TPCN1: variants seen among roughly 807,000 people sequenced by gnomAD.
TPCN1 encodes two pore segment channel 1, also known as two pore channel protein 1.
Under a neutral mutation model 108.8 loss-of-function variants are expected in TPCN1, and 52 were observed. The ratio of observed to expected loss-of-function variants is 0.48; its 90% CI spans 0.38 to 0.60. The LOEUF (loss-of-function observed/expected upper bound fraction) is 0.60. Among genes scored for constraint, TPCN1 ranks in the 20% least tolerant of loss-of-function variants. The pLI, the probability that TPCN1 is intolerant of heterozygous loss-of-function variation, is 0.00. For synonymous variants in TPCN1, 446 were observed against 433.7 expected (o/e 1.03, Z -0.35); for missense variants, 806 against 1,072.8 (o/e 0.75, Z 3.47).
At position 113,247,772 on chromosome 12, in the gene TPCN1, G is replaced by A. The variant is rs925031938; in HGVS notation, c.113-12596G>A. Among the ~76,000 whole-genome samples the A allele has an allele frequency of 3.9e-5, 6 of 152,202 alleles. No individual in the cohort carries two copies. The South Asian group carries it at 6.2e-4, about 16-fold the overall frequency. Reference sequence around the variant, plus strand: ...CCTTGATGTGAAGGAGGCCCTTTGCGATCACCTGTGGCTTTCTTGAAAAGT... The same window carrying A: ...CCTTGATGTGAAGGAGGCCCTTTGCAATCACCTGTGGCTTTCTTGAAAAGT... On this transcript the variant is annotated intron_variant, in intron 2 of 27. Coordinates refer to ENST00000335509, the MANE Select transcript of TPCN1 (RefSeq NM_017901.6).
At position 113,237,357 on chromosome 12, in the gene TPCN1, T is replaced by C. The variant is rs192359100; in HGVS notation, c.112+10393T>C. The stretch of plus-strand genomic sequence containing the variant: ...CTCAGCTCAGTAGCTCAGTTCCTAC[T>C]TCTTTTTTTTTTTTCTTGAGTTAGA... On this transcript the variant is annotated intron_variant, in intron 2 of 27. Transcript: ENST00000335509. Among the ~76,000 whole-genome samples, 21 of 151,012 alleles carry C rather than the reference T, an allele frequency of 1.4e-4. No individual in the cohort carries two copies. The East Asian group carries it at 3.4e-3, about 24-fold the overall frequency.
intron 27 of TPCN1, among the ~76,000 whole-genome samples, chr12:113,295,433 C>T (rs1415492893): frequency 1.5e-5 from 2 of 134,708 alleles, no homozygotes; most frequent in African/African-American, 5.9e-5. Flanking sequence ...CACAGTGAAT[C>T]TCTGTCTCCT....
In TPCN1 at chr12:113,267,940, A is replaced by G. The variant is rs1223489837; in HGVS notation, c.512A>G (p.Lys171Arg). 5 of 1,613,348 alleles carry G rather than the reference A, an allele frequency of 3.1e-6. No individual in the cohort carries two copies. The highest frequency in any genetic ancestry group is 2.2e-5 in the East Asian group (1 of 44,864). ...GGCCTCCACACCTTCATCCGGCACA[A>G]GCGGACCATGGTCAAGGTGATGTGT... ...WLGLHTFIRH[K>R]RTMVKTSVLV... The change falls in exon 5 of 28, where the codon AAG becomes AGG. Residue 171 changes from lysine (K) to arginine (R), a missense_variant. Transcript: ENST00000335509.
chr12:113,228,784 C>T (rs1329650312), intron 2 of TPCN1, among the ~76,000 whole-genome samples: 1 of 152,172 alleles, frequency 6.6e-6, no homozygotes, highest in Non-Finnish European at 1.5e-5. Flanking sequence ...TCTTTCCTCC[C>T]ACACCACAGT....
At position 113,269,947 on chromosome 12, in the gene TPCN1, A is replaced by G; in HGVS notation, c.748+102A>G. 7.4e-7 allele frequency: 1 copy of G among 1,342,686 alleles called. No individual in the cohort carries two copies. 83.2% of individuals were successfully genotyped at this position (1,342,686 alleles called of 1,614,324 possible). On this transcript the variant is annotated intron_variant, in intron 7 of 27. Coordinates refer to ENST00000335509, the MANE Select transcript of TPCN1 (RefSeq NM_017901.6). This position sits in a 1 kb window ranked among gnomAD's most constrained non-coding sequence, Gnocchi z 5.0. Reference sequence around the variant, plus strand: ...CTCAGTGGCTCACGCCTGTAATCCTAGCATTTTGGGAGGCCAAGGTGGGTG... The same window carrying G: ...CTCAGTGGCTCACGCCTGTAATCCTGGCATTTTGGGAGGCCAAGGTGGGTG...
rs749783245 is a variant in TPCN1, at chr12:113,276,939, C to T, written c.963C>T (p.Asp321=). The change falls in exon 11 of 28, where the codon GAC becomes GAT. Residue 321 remains aspartate (D), a synonymous_variant. Coordinates refer to ENST00000335509, the MANE Select transcript of TPCN1 (RefSeq NM_017901.6). ...CACAGCTTCTGGCTGTGGTGTTCGA[C>T]ACCTTCAATGACATTGAGAAACGCA... The part of the protein sequence containing the change: ...IMNLLLAVVF[D]TFNDIEKRKF... 2 of 1,613,756 alleles carry T rather than the reference C, an allele frequency of 1.2e-6. No individual in the cohort carries two copies. Among genetic ancestry groups the T allele is most frequent in the Non-Finnish European group, 1.7e-6 (2 of 1,179,838 alleles).
intron 19 of TPCN1, chr12:113,287,396 G>A (rs1593202944): frequency 2.7e-6 from 1 of 368,394 alleles, no homozygotes. Context: ...TCAAGTCACA[G>A]ATCACAGAGC....
chr12:113,235,241 G>C (rs557737044), intron 2 of TPCN1, among the ~76,000 whole-genome samples: 3 of 152,222 alleles, frequency 2.0e-5, no homozygotes, highest in African/African-American at 7.2e-5. Flanking sequence ...TTTGAAGCCA[G>C]AGCAGGTGGG....
chr12:113,268,075 A>G lies in TPCN1; in HGVS notation c.528+119A>G. On this transcript the variant is annotated intron_variant, in intron 5 of 27. Coordinates refer to ENST00000335509, the MANE Select transcript of TPCN1 (RefSeq NM_017901.6). This position sits in a 1 kb window ranked among gnomAD's most constrained non-coding sequence, Gnocchi z 7.3. ...GGGCCCAGTCCATGCTCAGAGGTGT[A>G]ACCCTAGGGTCCCTGTCCTGACCGT... is the stretch of plus-strand genomic sequence containing the variant. 1.3e-6 allele frequency: 1 copy of G among 763,794 alleles called. No individual in the cohort carries two copies. The highest frequency in any genetic ancestry group is 2.2e-6 in the Non-Finnish European group (1 of 450,078). 47.3% of individuals were successfully genotyped at this position (763,794 alleles called of 1,614,324 possible).
rs527605367 is a variant in TPCN1 at position 113,221,883 on chromosome 12, G to A, written c.-126+257G>A. Among the ~76,000 whole-genome samples the A allele has an allele frequency of 1.1e-4, 17 of 152,302 alleles. No homozygotes were observed. The South Asian group carries it at 3.1e-3, about 28-fold the overall frequency. On this transcript the variant is annotated intron_variant, in intron 1 of 27. Coordinates refer to ENST00000335509, the MANE Select transcript of TPCN1 (RefSeq NM_017901.6). ...TCCCAGCCAGGGGCTGGGAGCACGT[G>A]GAGCTGGAGCCAGCTGTCCTGCCTC...
chr12:113,284,566 G>A lies in TPCN1; in HGVS notation c.1343-15G>A, dbSNP rs752280643. 14 of 1,614,060 alleles carry A rather than the reference G, an allele frequency of 8.7e-6. No homozygotes were observed. The South Asian group carries it at 1.3e-4, about 15-fold the overall frequency. On this transcript the variant is annotated splice_polypyrimidine_tract_variant and intron_variant, in intron 15 of 27. Coordinates refer to ENST00000335509, the MANE Select transcript of TPCN1 (RefSeq NM_017901.6). This position sits in a 1 kb window ranked among gnomAD's most constrained non-coding sequence, Gnocchi z 4.1. ...CCTGTTATTTCTCTGTCTTTTACGG[G>A]CCTGTGTATTTCAGACTTGGTGGTG...
At chr12:113,278,997 G>A (rs766395417) in intron 14 of TPCN1, among the ~76,000 whole-genome samples, 162 bp downstream of exon 14, 4 of 151,804 alleles carry the variant, frequency 2.6e-5, no homozygotes, top group African/African-American at 4.8e-5. Flanking sequence ...CAGCAGGGAC[G>A]TAAGGGTGGT....
rs781512418 is a variant in TPCN1, at chr12:113,291,885, G to A, written c.2040G>A (p.Thr680=). The A allele has an allele frequency of 3.1e-6, 5 of 1,609,152 alleles. No individual in the cohort carries two copies. In the South Asian group the frequency reaches 4.4e-5, roughly 14 times the overall value. Residue 680 remains threonine, a synonymous_variant, in exon 25 of 28, where the codon ACG becomes ACA. Coordinates refer to ENST00000335509, the MANE Select transcript of TPCN1 (RefSeq NM_017901.6). ...CTATCCCTGGCCAGGTGGTGATGAC[G>A]ATCATTGTCGCCTTTATCCTCGAGG... The part of the protein sequence containing the change: ...TFYIVTMVVM[T]IIVAFILEAF...
chr12:113,228,755 TA>T (rs1245871567), intron 2 of TPCN1, among the ~76,000 whole-genome samples: 1 of 152,176 alleles, frequency 6.6e-6, no homozygotes, highest in African/African-American at 2.4e-5. Context: ...GTCACACAGC[TA>T]GTAAGCAGTA....
intron 26 of TPCN1, 76 bp from the exon 27 acceptor site, chr12:113,293,193 G>A: frequency 6.2e-7 from 1 of 1,604,442 alleles, no homozygotes; most frequent in East Asian, 2.2e-5. Flanking sequence ...CAGAGAAGTG[G>A]GAGACGCCAA....
chr12:113,253,297 T>C (rs1954717320), intron 2 of TPCN1, among the ~76,000 whole-genome samples: 1 of 152,256 alleles, frequency 6.6e-6, no homozygotes, highest in African/African-American at 2.4e-5. Flanking sequence ...GCAGGATTGT[T>C]GTAAGAACTA....
At chr12:113,247,307 C>T (rs141287452) in intron 2 of TPCN1, among the ~76,000 whole-genome samples, 27 of 152,332 alleles carry the variant, frequency 1.8e-4, no homozygotes, top group African/African-American at 6.5e-4. Context: ...TCCATCTGCA[C>T]TCACACCCTG....
chr12:113,287,368 C>A, intron 19 of TPCN1: 1 of 437,572 alleles, frequency 2.3e-6, no homozygotes. Flanking sequence ...ATTGCACCAG[C>A]GACAGGAGCC....
chr12:113,260,882 A>G (rs1022163618), intron 3 of TPCN1, among the ~76,000 whole-genome samples: 1 of 146,584 alleles, frequency 6.8e-6, no homozygotes, highest in African/African-American at 2.5e-5. Context: ...TATTTTAGGA[A>G]TTTTTTTTTT....
Sources: allele counts gnomAD v4.1 joint callset (sites outside exome capture counted in the v4.1 genomes callset), GRCh38; gene constraint gnomAD v4.1.1; non-coding constraint Gnocchi (gnomAD v3.1); transcripts MANE v1.5; gene names NCBI Gene and HGNC (gene_info 2026-07-23, HGNC 2026-07-21).